The following SLC25A26 variants were observed in gnomAD, a reference collection of about 807,000 sequenced individuals.
SLC25A26 encodes the protein mitochondrial S-adenosylmethionine carrier protein.
Under a neutral mutation model 37.8 loss-of-function variants are expected in SLC25A26, and 36 were observed. That is an observed-to-expected ratio of 0.95 (90% CI 0.73 to 1.26). The LOEUF is 1.26. Ranked by LOEUF, SLC25A26 falls within the 50% of genes most tolerant of loss-of-function variation. SLC25A26 has a pLI of 0.00. For synonymous variants in SLC25A26, 129 were observed against 122.5 expected (o/e 1.05, Z -0.35); for missense variants, 390 against 331.1 (o/e 1.18, Z -1.38).
chr3:66,150,559 G>A (rs1413659026), intron 1 of SLC25A26, among the ~76,000 whole-genome samples: 2 of 91,502 alleles, frequency 2.2e-5, no homozygotes, highest in Admixed American at 1.4e-4. Flanking sequence ...TATATATAAT[G>A]ATATATATAA....
chr3:66,144,219 G>C (rs892296587), intron 1 of SLC25A26, among the ~76,000 whole-genome samples: 2 of 152,234 alleles, frequency 1.3e-5, no homozygotes, highest in African/African-American at 4.8e-5. Flanking sequence ...GGAAGAGACT[G>C]AGCCAAGACT....
chr3:66,145,242 C>T (rs2070098011), intron 1 of SLC25A26, among the ~76,000 whole-genome samples: 1 of 152,202 alleles, frequency 6.6e-6, no homozygotes, highest in Non-Finnish European at 1.5e-5. Context: ...TAAATGATTA[C>T]ATGGAGTCTG....
At chr3:66,208,652 C>T (rs1219682405) in intron 1 of SLC25A26, among the ~76,000 whole-genome samples, 33 of 26,022 alleles carry the variant, frequency 1.3e-3, no homozygotes, top group African/African-American at 2.5e-3. Flanking sequence ...ACACACACAC[C>T]TTTATATGGG....
intron 1 of SLC25A26, among the ~76,000 whole-genome samples, chr3:66,233,280 C>T (rs1397096152): frequency 6.6e-6 from 1 of 152,214 alleles, no homozygotes; most frequent in Non-Finnish European, 1.5e-5. Flanking sequence ...GCCAACACTT[C>T]ATACGTTTAT....
intron 1 of SLC25A26, among the ~76,000 whole-genome samples, chr3:66,228,517 T>A (rs1178207029): frequency 6.6e-6 from 1 of 152,198 alleles, no homozygotes; most frequent in Non-Finnish European, 1.5e-5. Context: ...TTATCTCACC[T>A]CCCCAAATCA....
intron 1 of SLC25A26, among the ~76,000 whole-genome samples, chr3:66,232,337 T>C (rs1576672102): frequency 6.6e-6 from 1 of 152,248 alleles, no homozygotes; most frequent in East Asian, 1.9e-4. Context: ...TGCCTGGTCC[T>C]GTCTTTTGCT....
chr3:66,139,957 G>A (rs760796008), intron 1 of SLC25A26, among the ~76,000 whole-genome samples: 10 of 152,160 alleles, frequency 6.6e-5, no homozygotes, highest in Non-Finnish European at 1.3e-4. Flanking sequence ...TCAAGGTGTT[G>A]TAGGTGACAA....
rs1680396 is a variant in SLC25A26 at position 66,248,060 on chromosome 3, G to T, written c.300+4748G>T. On this transcript the variant is annotated intron_variant, in intron 3 of 9. Transcript: ENST00000354883. ...GATAGATTATTATGTTAGACAGATT[G>T]GTTAGAAACAATAACATATTTTGTT... Among the ~76,000 whole-genome samples the T allele has an allele frequency of 5.9e-5, 9 of 152,004 alleles. No individual in the cohort carries two copies. The East Asian group carries it at 9.6e-4, about 16-fold the overall frequency.
intron 1 of SLC25A26, among the ~76,000 whole-genome samples, chr3:66,203,476 A>G (rs949972807): frequency 0.56 from 85,592 of 152,060 alleles, 26,386 homozygotes; most frequent in Middle Eastern, 0.84. Flanking sequence ...AAAACTGCTG[A>G]CTAAATATAA....
At chr3:66,256,156 C>T (rs192602156) in intron 3 of SLC25A26, among the ~76,000 whole-genome samples, 1 of 152,140 alleles carries the variant, frequency 6.6e-6, no homozygotes, top group Admixed American at 6.5e-5. Flanking sequence ...TTTTCTTTCT[C>T]TTATTTTTTC....
rs573153748 is a variant in SLC25A26, at chr3:66,377,829, C to T, written c.*22C>T. ...TTGAAGCAGAGACAAGCCTCACCTC[C>T]ACTTCTGTCAAGAGAGGGGCCTGCA... On this transcript the variant is annotated 3_prime_UTR_variant, in exon 10 of 10. Coordinates refer to ENST00000354883, the MANE Select transcript of SLC25A26 (RefSeq NM_001379210.1). 66 of 1,573,930 alleles carry T rather than the reference C, an allele frequency of 4.2e-5. No individual in the cohort carries two copies. In the East Asian group the frequency reaches 1.4e-3, roughly 33 times the overall value.
At chr3:66,248,684 G>GAGTGTCCTTTTCA (rs2072955038) in intron 3 of SLC25A26, among the ~76,000 whole-genome samples, 1 of 152,168 alleles carries the variant, frequency 6.6e-6, no homozygotes, top group Non-Finnish European at 1.5e-5. Context: ...GATGCTGGTA[G>GAGTGTCCTTTTCA]AGTGTCCTTT....
At chr3:66,197,322 G>A (rs911250103) in intron 1 of SLC25A26, among the ~76,000 whole-genome samples, 6 of 152,182 alleles carry the variant, frequency 3.9e-5, no homozygotes, top group African/African-American at 1.2e-4. Context: ...ACATAGTGAC[G>A]GATAAGTTCA....
intron 5 of SLC25A26, among the ~76,000 whole-genome samples, chr3:66,301,085 T>A (rs745891440): frequency 3.1e-4 from 47 of 152,126 alleles, no homozygotes; most frequent in Non-Finnish European, 5.4e-4. Context: ...TGTCCTCAAA[T>A]AATTGGATTC....
intron 5 of SLC25A26, among the ~76,000 whole-genome samples, chr3:66,330,320 C>T (rs11128419): frequency 0.17 from 26,059 of 151,984 alleles, 3,357 homozygotes; most frequent in East Asian, 0.68. Flanking sequence ...CTAATGGAAA[C>T]GCTGAGTAGA....
intron 5 of SLC25A26, among the ~76,000 whole-genome samples, chr3:66,295,848 C>T (rs936324450): frequency 2.4e-4 from 36 of 151,540 alleles, no homozygotes; most frequent in African/African-American, 3.9e-4. Context: ...TGTCTGGGCA[C>T]GGTGGCTCAC....
At chr3:66,290,639 C>G (rs2074672998) in intron 5 of SLC25A26, among the ~76,000 whole-genome samples, 1 of 152,080 alleles carries the variant, frequency 6.6e-6, no homozygotes, top group Non-Finnish European at 1.5e-5. Flanking sequence ...TATGTTGAAC[C>G]AGCCTTGTAT....
At chr3:66,197,102 A>G (rs2071054487) in intron 1 of SLC25A26, among the ~76,000 whole-genome samples, 1 of 152,190 alleles carries the variant, frequency 6.6e-6, no homozygotes, top group African/African-American at 2.4e-5. Flanking sequence ...AGTTTACTCT[A>G]AAAAGCAATA....
intron 5 of SLC25A26, among the ~76,000 whole-genome samples, chr3:66,345,166 A>G (rs1002365570): frequency 2.6e-5 from 4 of 152,072 alleles, no homozygotes; most frequent in African/African-American, 9.7e-5. Flanking sequence ...ATTACTACGC[A>G]TGACTCTCCT....
Sources: allele counts gnomAD v4.1 joint callset (sites outside exome capture counted in the v4.1 genomes callset), GRCh38; gene constraint gnomAD v4.1.1; transcripts MANE v1.5; gene names NCBI Gene and HGNC (gene_info 2026-07-23, HGNC 2026-07-21).